The following GRIP1 variants were observed in gnomAD, a reference collection of about 807,000 sequenced individuals.
The protein encoded by GRIP1 is glutamate receptor interacting protein 1.
GRIP1 carries 45 observed loss-of-function variants against 129.9 expected under a neutral mutation model. The ratio of observed to expected loss-of-function variants is 0.35; its 90% CI spans 0.27 to 0.44. The LOEUF is 0.44. Among genes scored for constraint, GRIP1 ranks in the 20% least tolerant of loss-of-function variants. GRIP1 has a pLI of 1.00. For missense variants in GRIP1, 1,196 were observed against 1,396.8 expected, an observed-to-expected ratio of 0.86 and a Z score of 2.29; for synonymous variants, 530 against 520.8, an observed-to-expected ratio of 1.02 and a Z score of -0.24.
At chr12:66,804,115 G>A (rs1044376969) in exon 1 of GRIP1, 9 of 455,802 alleles carry the variant, frequency 2.0e-5, no homozygotes, top group Non-Finnish European at 4.0e-5. Flanking sequence ...ATCCTCTTCT[G>A]GTCGGTACTT....
intron 1 of GRIP1, among the ~76,000 whole-genome samples, chr12:66,674,823 T>C (rs1406149727): frequency 6.6e-6 from 1 of 151,956 alleles, no homozygotes; most frequent in South Asian, 2.1e-4. Context: ...GCAATACCCA[T>C]ACATGCCCAG....
intron 23 of GRIP1, among the ~76,000 whole-genome samples, chr12:66,368,774 T>G (rs2055299529): frequency 6.6e-6 from 1 of 152,172 alleles, no homozygotes; most frequent in Non-Finnish European, 1.5e-5. Context: ...TAGGTAGTCT[T>G]TCAGTGTTCA....
chr12:66,946,767 G>A (rs1385037859), intron 1 of GRIP1, among the ~76,000 whole-genome samples: 2 of 104,402 alleles, frequency 1.9e-5, no homozygotes, highest in East Asian at 3.6e-4. Flanking sequence ...AGCGGGGGTC[G>A]GGGGGTGGGG....
rs372087444 is a variant in GRIP1 at position 66,684,842 on chromosome 12, CGAAATGAAAT to C, written c.-419-54516_-419-54507del. 9.9e-5 allele frequency among the ~76,000 whole-genome samples: 15 copies of C among 152,106 alleles called. No individual in the cohort carries two copies. The East Asian group carries it at 1.9e-3, about 20-fold the overall frequency. ...CCTGGATGACAGAGCAAGACTCTGT[CGAAATGAAAT>C]GAAATGAAATGGAACAAAACGAAAC... On this transcript the variant is annotated intron_variant, in intron 1 of 4. Transcript: ENST00000538373.
intron 1 of GRIP1, among the ~76,000 whole-genome samples, chr12:66,768,265 T>C (rs1413516745): frequency 6.6e-6 from 1 of 152,206 alleles, no homozygotes; most frequent in Non-Finnish European, 1.5e-5. Flanking sequence ...CTGATGAACT[T>C]CACTGAAATT....
intron 7 of GRIP1, among the ~76,000 whole-genome samples, chr12:66,508,193 G>T (rs772630585): frequency 6.6e-6 from 1 of 152,162 alleles, no homozygotes; most frequent in Non-Finnish European, 1.5e-5. Context: ...TAAACCTACA[G>T]CATAAACATT....
chr12:66,714,824 C>G (rs1412716563), intron 1 of GRIP1, among the ~76,000 whole-genome samples: 1 of 151,684 alleles, frequency 6.6e-6, no homozygotes, highest in East Asian at 1.9e-4. Context: ...TTCATCCTAT[C>G]TATCCAATCC....
intron 13 of GRIP1, among the ~76,000 whole-genome samples, chr12:66,443,215 G>GT (rs2058518582): frequency 6.6e-6 from 1 of 152,160 alleles, no homozygotes; most frequent in Admixed American, 6.5e-5. Flanking sequence ...ATTATGCCTT[G>GT]TTTTTGGGCT....
intron 7 of GRIP1, among the ~76,000 whole-genome samples, chr12:66,502,747 A>G (rs2060425285): frequency 1.3e-5 from 2 of 152,148 alleles, no homozygotes; most frequent in African/African-American, 4.8e-5. Flanking sequence ...CAAGATGCCA[A>G]GTATATGCTG....
intron 2 of GRIP1, among the ~76,000 whole-genome samples, chr12:66,573,333 T>A (rs1425451305): frequency 6.6e-6 from 1 of 152,094 alleles, no homozygotes; most frequent in African/African-American, 2.4e-5. Flanking sequence ...TGTAGCTCTG[T>A]GAGACCCTAA....
chr12:66,836,576 T>C (rs1189882918), intron 1 of GRIP1, among the ~76,000 whole-genome samples: 1 of 152,152 alleles, frequency 6.6e-6, no homozygotes, highest in Non-Finnish European at 1.5e-5. Flanking sequence ...TGATACATTT[T>C]TTCTGCCTGT....
chr12:67,062,477 A>C (rs1222475560), intron 1 of GRIP1, among the ~76,000 whole-genome samples: 1 of 151,892 alleles, frequency 6.6e-6, no homozygotes, highest in Non-Finnish European at 1.5e-5. Flanking sequence ...CCTTCCTTCA[A>C]GTCTTTTAAC....
At chr12:66,779,449 T>C (rs1566018152) in intron 1 of GRIP1, among the ~76,000 whole-genome samples, 1 of 152,240 alleles carries the variant, frequency 6.6e-6, no homozygotes, top group Non-Finnish European at 1.5e-5. Context: ...TATGTTATAA[T>C]ACTGGTGAAT....
chr12:67,016,136 C>A (rs1271805875), intron 1 of GRIP1, among the ~76,000 whole-genome samples: 13 of 152,178 alleles, frequency 8.5e-5, no homozygotes, highest in Admixed American at 8.5e-4. Flanking sequence ...TGACACTGTT[C>A]TTTGAGAGAG....
At position 66,392,502 on chromosome 12, in the gene GRIP1, G is replaced by A. The variant is rs760872241; in HGVS notation, c.2270C>T (p.Ala757Val). The change falls in exon 19 of 25, where the codon GCC becomes GTC. Residue 757 changes from alanine to valine, a missense_variant and splice_region_variant. Around this residue, in one of 5 missense-constraint regions of GRIP1, gnomAD observed 427 missense variants for 463.3 expected, o/e 0.92. Transcript: ENST00000359742. ...CTTCTTGGGGCTCGATGCTGACTGG[G>A]CTTTATAGACAGGAAAGGAGTTTAA... ...VTLKIKKQTDAQSASSPKKFP... is the reference protein window; with the variant it reads ...VTLKIKKQTDVQSASSPKKFP... 9 of 1,613,346 alleles carry A rather than the reference G, an allele frequency of 5.6e-6. No individual in the cohort carries two copies. The East Asian group carries it at 1.6e-4, about 28-fold the overall frequency.
chr12:66,945,324 T>C (rs1368354042), intron 1 of GRIP1, among the ~76,000 whole-genome samples: 1 of 152,192 alleles, frequency 6.6e-6, no homozygotes, highest in Admixed American at 6.5e-5. Context: ...AAAACATTTA[T>C]GTAACTGCTG....
At chr12:66,950,908 G>A (rs2041746669) in intron 1 of GRIP1, among the ~76,000 whole-genome samples, 1 of 152,184 alleles carries the variant, frequency 6.6e-6, no homozygotes, top group African/African-American at 2.4e-5. Context: ...GTGCTATGAT[G>A]TGTTGCAACA....
intron 13 of GRIP1, among the ~76,000 whole-genome samples, chr12:66,435,422 T>C (rs2058274550): frequency 6.6e-6 from 1 of 152,192 alleles, no homozygotes; most frequent in Non-Finnish European, 1.5e-5. Flanking sequence ...TAGGCTGGTC[T>C]CAAACTCCCA....
At chr12:67,046,851 T>G (rs2043261690) in intron 1 of GRIP1, among the ~76,000 whole-genome samples, 1 of 152,174 alleles carries the variant, frequency 6.6e-6, no homozygotes, top group African/African-American at 2.4e-5. Context: ...CTCCTCCTAC[T>G]TTAAAAGAGG....
Sources: gnomAD v4.1 joint callset for allele counts (sites outside exome capture counted in the v4.1 genomes callset) on GRCh38, gnomAD v4.1.1 for gene constraint, gnomAD v4.1.1 regional missense constraint, MANE v1.5 for transcripts, NCBI Gene and HGNC (gene_info 2026-07-23, HGNC 2026-07-21) for gene names.